SCLY: variants seen among roughly 807,000 people sequenced by gnomAD.
SCLY encodes putative selenocysteine lyase.
In SCLY, 38 loss-of-function variants were observed where a neutral mutation model predicts 50.1. That is an observed-to-expected ratio of 0.76 (90% CI 0.59 to 0.99). SCLY has a LOEUF of 0.99. SCLY is among the 50% of genes least tolerant of loss of function. The probability of loss-of-function intolerance (pLI) is 0.00; values close to 1 mark genes in which losing one functional copy is unlikely to be tolerated. For missense variants in SCLY, 600 were observed against 620.0 expected (o/e 0.97, Z 0.34); for synonymous variants, 243 against 249.4 (o/e 0.97, Z 0.24).
chr2:238,098,555 C>A lies in SCLY; in HGVS notation c.*200C>A. The stretch of plus-strand genomic sequence containing the variant: ...GAGCTCACAGGGCCCAGGACACCAA[C>A]GCCGCATAGGACTGCCCACATGGGA... On this transcript the variant is annotated 3_prime_UTR_variant, in exon 12 of 12. Transcript: ENST00000254663. The A allele has an allele frequency of 2.2e-6, 1 of 451,510 alleles. No individual in the cohort carries two copies. Among genetic ancestry groups the A allele is most frequent in the Non-Finnish European group, 3.3e-6 (1 of 301,150 alleles). 28.0% of individuals were successfully genotyped at this position (451,510 alleles called of 1,614,324 possible).
chr2:238,098,609 C>CCGCCCACATGGGAA lies in SCLY; in HGVS notation c.*267_*268insACGCCCACATGGGA, dbSNP rs1559254591. On this transcript the variant is annotated 3_prime_UTR_variant, in exon 12 of 12. Coordinates refer to ENST00000254663, the MANE Select transcript of SCLY (RefSeq NM_016510.7). Reference sequence around the variant, plus strand: ...CCCACATAGGACCGCCCACATAGGACCGCCCACATGGGACCGCCCACATGG... The same window carrying CCGCCCACATGGGAA: ...CCCACATAGGACCGCCCACATAGGACCGCCCACATGGGAACGCCCACATGGGACCGCCCACATGG... 4,295 of 357,902 alleles carry CCGCCCACATGGGAA rather than the reference C, an allele frequency of 0.012. 278 individuals are homozygous for CCGCCCACATGGGAA. Among genetic ancestry groups the CCGCCCACATGGGAA allele is most frequent in the Admixed American group, 0.017 (316 of 18,144 alleles). The allele number at this position is 357,902 out of a possible 1,614,324, so 22.2% of individuals were successfully genotyped here.
At position 238,096,790 on chromosome 2, in the gene SCLY, T is replaced by C; in HGVS notation, c.1109-11T>C. The stretch of plus-strand genomic sequence containing the variant: ...AGCCCCATCTCAGGGGCATGTGCTC[T>C]GTCTCCGCAGGCCACGTGGTGCTTG... On this transcript the variant is annotated splice_polypyrimidine_tract_variant and intron_variant, in intron 10 of 11. Transcript: ENST00000254663. 6.2e-7 allele frequency: 1 copy of C among 1,605,432 alleles called. No individual in the cohort carries two copies. Among genetic ancestry groups the C allele is most frequent in the Non-Finnish European group, 8.5e-7 (1 of 1,176,528 alleles).
chr2:238,077,982 C>T (rs961250213), intron 4 of SCLY, among the ~76,000 whole-genome samples: 7 of 147,452 alleles, frequency 4.7e-5, no homozygotes, highest in African/African-American at 7.5e-5. Flanking sequence ...GACGGAATCT[C>T]GCTCTGTTGC....
rs1691313554 is a variant in SCLY at position 238,098,595 on chromosome 2, C to CGCCCACATGGGAA, written c.*240_*241insGCCCACATGGGAA. The CGCCCACATGGGAA allele has an allele frequency of 3.5e-6, 1 of 283,664 alleles. No homozygotes were observed. The highest frequency in any genetic ancestry group is 4.5e-5 in the African/African-American group (1 of 22,364). 17.6% of individuals were successfully genotyped at this position (283,664 alleles called of 1,614,324 possible). A position where few individuals can be genotyped will look rare whatever the true frequency, so the allele number is the denominator to read the frequency against. On this transcript the variant is annotated 3_prime_UTR_variant, in exon 12 of 12. Transcript: ENST00000254663. The stretch of plus-strand genomic sequence containing the variant: ...CCCACATGGGACCGCCCACATAGGA[C>CGCCCACATGGGAA]CGCCCACATAGGACCGCCCACATGG...
chr2:238,077,573 T>C (rs907773427), intron 4 of SCLY, among the ~76,000 whole-genome samples: 1 of 152,210 alleles, frequency 6.6e-6, no homozygotes, highest in African/African-American at 2.4e-5. Context: ...GATGGAACTC[T>C]CATAAACCAT....
intron 1 of SCLY, 106 bp downstream of exon 1, chr2:238,061,249 G>A: frequency 1.2e-6 from 1 of 867,154 alleles, no homozygotes; most frequent in Admixed American, 2.0e-5. Flanking sequence ...CTCGCGTGGG[G>A]CGTCCCGCGC....
rs576717207 is a variant in SCLY, at chr2:238,081,688, G to A, written c.485-21G>A. ...GAATCAATTTGTGCAGCTCAGTTCG[G>A]TACTCATGTTTGTTTCCCAGCGGTC... On this transcript the variant is annotated intron_variant, in intron 4 of 11. Coordinates refer to ENST00000254663, the MANE Select transcript of SCLY (RefSeq NM_016510.7). The A allele has an allele frequency of 3.7e-6, 6 of 1,610,612 alleles. No individual in the cohort carries two copies. The Admixed American group carries it at 6.7e-5, about 18-fold the overall frequency.
At chr2:238,096,528 G>GA (rs2065438248) in intron 10 of SCLY, among the ~76,000 whole-genome samples, 1 of 152,264 alleles carries the variant, frequency 6.6e-6, no homozygotes, top group South Asian at 2.1e-4. Context: ...GACTCCAGGT[G>GA]TCTTAGCAGG....
rs1553568628 is a variant in SCLY at position 238,098,626 on chromosome 2, C to CCCACATAGAACCGCCCACATGGGACCGT, written c.*277_*278insAGAACCGCCCACATGGGACCGTCCACAT. On this transcript the variant is annotated 3_prime_UTR_variant, in exon 12 of 12. Transcript: ENST00000254663. ...ACATAGGACCGCCCACATGGGACCG[C>CCCACATAGAACCGCCCACATGGGACCGT]CCACATGGGACCGCCCACATGGGAC... 1 of 323,638 alleles carries CCCACATAGAACCGCCCACATGGGACCGT rather than the reference C, an allele frequency of 3.1e-6. No individual in the cohort carries two copies. Among genetic ancestry groups the CCCACATAGAACCGCCCACATGGGACCGT allele is most frequent in the African/African-American group, 2.9e-5 (1 of 34,314 alleles). The allele number at this position is 323,638 out of a possible 1,614,324, so 20.0% of individuals were successfully genotyped here.
At chr2:238,070,373 C>CT (rs2065116089) in intron 4 of SCLY, among the ~76,000 whole-genome samples, 1 of 151,990 alleles carries the variant, frequency 6.6e-6, no homozygotes, top group Admixed American at 6.6e-5. Flanking sequence ...ACTATGAAGC[C>CT]TTTTTTGAAA....
Position 238,098,566 on chromosome 2 carries a change from ACTGCCCACATGGGACCGCCCACATAGG to A in SCLY, c.*212_*238del. On this transcript the variant is annotated 3_prime_UTR_variant, in exon 12 of 12. Coordinates refer to ENST00000254663, the MANE Select transcript of SCLY (RefSeq NM_016510.7). Reference sequence around the variant, plus strand: ...GCCCAGGACACCAACGCCGCATAGGACTGCCCACATGGGACCGCCCACATAGGACCGCCCACATAGGACCGCCCACAT... The same window carrying A: ...GCCCAGGACACCAACGCCGCATAGGAACCGCCCACATAGGACCGCCCACAT... 2.1e-6 allele frequency: 1 copy of A among 469,796 alleles called. No individual in the cohort carries two copies. Among genetic ancestry groups the A allele is most frequent in the Non-Finnish European group, 3.5e-6 (1 of 282,862 alleles). The allele number at this position is 469,796 out of a possible 1,614,324, so 29.1% of individuals were successfully genotyped here. A position where few individuals can be genotyped will look rare whatever the true frequency, so the allele number is the denominator to read the frequency against.
rs1188486465 is a variant in SCLY at position 238,061,043 on chromosome 2, A to G, written c.-12A>G. ...GGAAGGAGGCTGGATGCCCGGCAGC[A>G]GTGGGGCGGGGATGGAGGCGGCCGT... On this transcript the variant is annotated 5_prime_UTR_variant, in exon 1 of 12. Transcript: ENST00000254663. 2.0e-5 allele frequency: 27 copies of G among 1,373,198 alleles called. No individual in the cohort carries two copies. Among genetic ancestry groups the G allele is most frequent in the Non-Finnish European group, 2.5e-5 (27 of 1,071,692 alleles). 85.1% of individuals were successfully genotyped at this position (1,373,198 alleles called of 1,614,324 possible). A position where few individuals can be genotyped will look rare whatever the true frequency, so the allele number is the denominator to read the frequency against.
rs1157631135 is a variant in SCLY at position 238,083,081 on chromosome 2, T to C, written c.778-167T>C. On this transcript the variant is annotated intron_variant, in intron 6 of 11. Coordinates refer to ENST00000254663, the MANE Select transcript of SCLY (RefSeq NM_016510.7). This position sits in a 1 kb window ranked among gnomAD's most constrained non-coding sequence, Gnocchi z 4.3. Reference sequence around the variant, plus strand: ...GGGTTCCACCCTGCCCCGAAGGCTTTTGTGACTCTGCGTGTCAAAAGGGGT... The same window carrying C: ...GGGTTCCACCCTGCCCCGAAGGCTTCTGTGACTCTGCGTGTCAAAAGGGGT... 2.9e-6 allele frequency: 2 copies of C among 701,708 alleles called. No homozygotes were observed. The highest frequency in any genetic ancestry group is 2.0e-5 in the Admixed American group (1 of 49,340). 43.5% of individuals were successfully genotyped at this position (701,708 alleles called of 1,614,324 possible).
intron 8 of SCLY, chr2:238,093,615 G>T: frequency 3.8e-6 from 2 of 522,680 alleles, no homozygotes; most frequent in East Asian, 3.1e-5. Context: ...CTCCTCGAGG[G>T]AGCCCTTTCA....
chr2:238,064,925 T>G (rs943904690), intron 2 of SCLY: 1 of 152,306 alleles, frequency 6.6e-6, no homozygotes, highest in African/African-American at 2.4e-5. Context: ...TGTTTCCAAT[T>G]TATTCTTATT....
intron 7 of SCLY, among the ~76,000 whole-genome samples, chr2:238,088,762 C>T (rs1037986319): frequency 2.6e-5 from 4 of 152,212 alleles, no homozygotes; most frequent in African/African-American, 7.2e-5. Context: ...TAGTGGGGAA[C>T]TTTCTCAACT....
intron 1 of SCLY, among the ~76,000 whole-genome samples, chr2:238,064,148 A>G (rs2065046562): frequency 6.6e-6 from 1 of 152,212 alleles, no homozygotes; most frequent in African/African-American, 2.4e-5. Flanking sequence ...CAAAAACTAG[A>G]GTCTTAGAAA....
Position 238,098,566 on chromosome 2 carries a change from ACTGCCCACATG to A in SCLY, c.*212_*222del. 4.3e-6 allele frequency: 2 copies of A among 469,796 alleles called. No individual in the cohort carries two copies. Among genetic ancestry groups the A allele is most frequent in the Non-Finnish European group, 7.1e-6 (2 of 282,862 alleles). The allele number at this position is 469,796 out of a possible 1,614,324, so 29.1% of individuals were successfully genotyped here. A position where few individuals can be genotyped will look rare whatever the true frequency, so the allele number is the denominator to read the frequency against. ...GCCCAGGACACCAACGCCGCATAGG[ACTGCCCACATG>A]GGACCGCCCACATAGGACCGCCCAC... On this transcript the variant is annotated 3_prime_UTR_variant, in exon 12 of 12. Transcript: ENST00000254663.
At chr2:238,086,530 G>T (rs1472817225) in intron 7 of SCLY, among the ~76,000 whole-genome samples, 1 of 150,940 alleles carries the variant, frequency 6.6e-6, no homozygotes, top group Non-Finnish European at 1.5e-5. Flanking sequence ...AACATAGCAA[G>T]ATCTCATCTC....
Sources: allele counts gnomAD v4.1 joint callset (sites outside exome capture counted in the v4.1 genomes callset), GRCh38; gene constraint gnomAD v4.1.1; non-coding constraint Gnocchi (gnomAD v3.1); transcripts MANE v1.5; gene names NCBI Gene and HGNC (gene_info 2026-07-23, HGNC 2026-07-21).